The following RANBP2 variants were observed in gnomAD, a reference collection of about 807,000 sequenced individuals.
RANBP2 encodes the protein RAN binding protein 2.
RANBP2 carries 57 observed loss-of-function variants against 303.6 expected under a neutral mutation model. The ratio of observed to expected loss-of-function variants is 0.19; its 90% CI spans 0.15 to 0.23. The LOEUF (loss-of-function observed/expected upper bound fraction) is 0.23. Ranked by LOEUF, RANBP2 falls within the 10% of genes least tolerant of loss-of-function variation. The pLI is 1.00. For synonymous variants in RANBP2, 1,167 were observed against 1,301.5 expected (o/e 0.90, Z 2.23); for missense variants, 3,138 against 3,780.8 (o/e 0.83, Z 4.46).
At chr2:109,228,018 C>G in the RANBP2 span, among the ~76,000 whole-genome samples, 133 of 152,038 alleles carry the variant, frequency 8.7e-4, 1 homozygote, top group African/African-American at 3.1e-3. Flanking sequence ...GGGAATAGTT[C>G]AGTGTTTTCC....
the RANBP2 span, among the ~76,000 whole-genome samples, chr2:109,299,470 C>T: frequency 6.6e-6 from 1 of 152,042 alleles, no homozygotes; most frequent in Non-Finnish European, 1.5e-5. Context: ...CCACCAGGGC[C>T]TTTTGAAGCA....
At chr2:109,426,981 T>A in the RANBP2 span, among the ~76,000 whole-genome samples, 2 of 35,438 alleles carry the variant, frequency 5.6e-5, no homozygotes, top group Non-Finnish European at 1.1e-4. Context: ...TATATATATT[T>A]TTTTTTGAGA....
At chr2:109,054,531 C>T in the RANBP2 span, among the ~76,000 whole-genome samples, 2 of 151,868 alleles carry the variant, frequency 1.3e-5, no homozygotes, top group African/African-American at 4.8e-5. Context: ...ATGGTGAAAT[C>T]CCTTCTAAAA....
chr2:109,577,335 T>C, the RANBP2 span, among the ~76,000 whole-genome samples: 1 of 152,176 alleles, frequency 6.6e-6, no homozygotes, highest in Non-Finnish European at 1.5e-5. Context: ...GGTGGCTCAC[T>C]GTAATTCCAG....
At chr2:109,600,189 A>G in the RANBP2 span, among the ~76,000 whole-genome samples, 7 of 152,230 alleles carry the variant, frequency 4.6e-5, no homozygotes, top group African/African-American at 1.4e-4. Context: ...TCACTGCTCA[A>G]TTGGGCTTCC....
the RANBP2 span, chr2:109,544,239 GCA>G: frequency 6.2e-7 from 1 of 1,611,748 alleles, no homozygotes; most frequent in African/African-American, 1.3e-5. Context: ...CAAAATCAAA[GCA>G]CACTTCTAGT....
the RANBP2 span, among the ~76,000 whole-genome samples, chr2:108,903,681 C>A: frequency 2.0e-5 from 3 of 152,104 alleles, no homozygotes; most frequent in African/African-American, 7.2e-5. Context: ...GGTGCTGGAG[C>A]AATTGGACAT....
chr2:109,365,886 G>A, the RANBP2 span, among the ~76,000 whole-genome samples: 4 of 152,154 alleles, frequency 2.6e-5, no homozygotes, highest in African/African-American at 9.7e-5. Context: ...CAAAAGAAAA[G>A]TATATTTTTG....
At chr2:109,327,997 G>A in the RANBP2 span, among the ~76,000 whole-genome samples, 1 of 152,204 alleles carries the variant, frequency 6.6e-6, no homozygotes. Flanking sequence ...TCAACATGGT[G>A]CCAAGCTTAT....
chr2:109,167,152 A>T, the RANBP2 span, among the ~76,000 whole-genome samples: 2 of 152,246 alleles, frequency 1.3e-5, no homozygotes, highest in Non-Finnish European at 1.5e-5. Context: ...GGTTCCTGGC[A>T]TATGGGATTT....
chr2:109,543,749 A>C, the RANBP2 span: 1 of 165,806 alleles, frequency 6.0e-6, no homozygotes, highest in Admixed American at 6.2e-5. Flanking sequence ...TCATCACAGA[A>C]CAGCAACTTA....
chr2:109,318,002 G>A, the RANBP2 span, among the ~76,000 whole-genome samples: 2 of 151,908 alleles, frequency 1.3e-5, no homozygotes, highest in Admixed American at 6.5e-5. Context: ...GCATCTGAAC[G>A]GAAGGCCAGG....
chr2:109,496,754 C>G, the RANBP2 span, among the ~76,000 whole-genome samples: 1 of 150,352 alleles, frequency 6.7e-6, no homozygotes, highest in African/African-American at 2.5e-5. Context: ...CCTAAAAACT[C>G]ATGACTATGT....
At chr2:109,079,619 C>G in the RANBP2 span, among the ~76,000 whole-genome samples, 3 of 152,236 alleles carry the variant, frequency 2.0e-5, no homozygotes, top group East Asian at 5.8e-4. Context: ...TGGCCCTGTC[C>G]GGTCCCAACC....
the RANBP2 span, among the ~76,000 whole-genome samples, chr2:109,576,501 C>T: frequency 1.3e-5 from 2 of 152,074 alleles, no homozygotes; most frequent in Non-Finnish European, 2.9e-5. Flanking sequence ...ATTATTATAA[C>T]AACAGTTAAG....
the RANBP2 span, among the ~76,000 whole-genome samples, chr2:109,360,975 C>A: frequency 0.018 from 2,751 of 152,222 alleles, 78 homozygotes; most frequent in African/African-American, 0.057. Flanking sequence ...TGTAGATGTT[C>A]TTTATCAAGT....
At chr2:108,962,492 TG>T in the RANBP2 span, among the ~76,000 whole-genome samples, 3 of 151,686 alleles carry the variant, frequency 2.0e-5, no homozygotes, top group Non-Finnish European at 4.4e-5. Context: ...GCGAACACAG[TG>T]AAACCCTGTC....
the RANBP2 span, among the ~76,000 whole-genome samples, chr2:109,032,685 T>C: frequency 9.9e-5 from 15 of 152,196 alleles, no homozygotes; most frequent in East Asian, 3.9e-4. Context: ...CTCTCACCTC[T>C]TGCACAGGCT....
the RANBP2 span, among the ~76,000 whole-genome samples, chr2:109,587,390 T>C: frequency 5.6e-3 from 846 of 151,776 alleles, 8 homozygotes; most frequent in African/African-American, 0.02. Flanking sequence ...TATCAAATGA[T>C]CTAACATACC....
Sources: gnomAD v4.1 joint callset for allele counts (sites outside exome capture counted in the v4.1 genomes callset) on GRCh38, gnomAD v4.1.1 for gene constraint, MANE v1.5 for transcripts, NCBI Gene and HGNC (gene_info 2026-07-23, HGNC 2026-07-21) for gene names.